The following SIMC1 variants were observed in gnomAD, a reference collection of about 807,000 sequenced individuals.
The protein encoded by SIMC1 is SUMO-interacting motif-containing protein 1.
In SIMC1, 55 loss-of-function variants were observed where a neutral mutation model predicts 82.3. The ratio of observed to expected loss-of-function variants is 0.67; its 90% CI spans 0.54 to 0.84. The LOEUF (loss-of-function observed/expected upper bound fraction) is 0.84. SIMC1 is among the 40% of genes least tolerant of loss of function. SIMC1 has a pLI of 0.00. For missense variants in SIMC1, 915 were observed against 1,107.2 expected (o/e 0.83, Z 2.46); for synonymous variants, 353 against 426.3 (o/e 0.83, Z 2.12).
At chr5:176,326,811 C>T (rs1303176192) in intron 7 of SIMC1, among the ~76,000 whole-genome samples, 1 of 152,124 alleles carries the variant, frequency 6.6e-6, no homozygotes, top group African/African-American at 2.4e-5. Flanking sequence ...GTGATCTGCC[C>T]ACCGCAGTCT....
chr5:176,249,525 C>G (rs1166162039), intron 1 of SIMC1, among the ~76,000 whole-genome samples: 1 of 151,694 alleles, frequency 6.6e-6, no homozygotes, highest in African/African-American at 2.4e-5. Context: ...AGTGGTCTAT[C>G]TATGTTGTTA....
At chr5:176,308,813 C>A in intron 4 of SIMC1, 1 of 1,240,670 alleles carries the variant, frequency 8.1e-7, no homozygotes, top group Non-Finnish European at 1.2e-6. Context: ...ATTGGAGGAT[C>A]CACAGCCTTA....
At chr5:176,341,850 G>A (rs1766165004) in intron 9 of SIMC1, among the ~76,000 whole-genome samples, 1 of 152,094 alleles carries the variant, frequency 6.6e-6, no homozygotes, top group African/African-American at 2.4e-5. Flanking sequence ...CTTGAGCCAG[G>A]CATTATGGCT....
At chr5:176,270,574 G>A (rs2560183) in intron 1 of SIMC1, 5 of 152,178 alleles carry the variant, frequency 3.3e-5, no homozygotes, top group Non-Finnish European at 5.9e-5. Flanking sequence ...GCACTGAAGA[G>A]GTTAGGAAAG....
chr5:176,289,951 C>T lies in SIMC1; in HGVS notation c.427C>T (p.Pro143Ser), dbSNP rs1763467354. The T allele has an allele frequency of 6.2e-7, 1 of 1,613,780 alleles. No homozygotes were observed. Among genetic ancestry groups the T allele is most frequent in the Non-Finnish European group, 8.5e-7 (1 of 1,179,842 alleles). ...DLVEENTFVG[P>S]PPATSISGGS... ...AGTGGAAGAAAACACCTTTGTAGGT[C>T]CCCCACCCGCTACATCCATCAGTGG... Residue 143 changes from proline (P) to serine (S), a missense_variant, in exon 2 of 10, where the codon CCC becomes TCC. Around this residue, in one of 2 missense-constraint regions of SIMC1, gnomAD observed 902 missense variants for 1,040.3 expected, o/e 0.87. Transcript: ENST00000429602.
At chr5:176,259,421 G>A (rs1177648959) in intron 1 of SIMC1, among the ~76,000 whole-genome samples, 2 of 151,566 alleles carry the variant, frequency 1.3e-5, no homozygotes, top group African/African-American at 4.9e-5. Flanking sequence ...CTGCACTCCA[G>A]CCTGGGTGAC....
At position 176,295,052 on chromosome 5, in the gene SIMC1, C is replaced by G. The variant is rs568561545; in HGVS notation, c.1454C>G (p.Pro485Arg). ...CAGAACAAGGGTCAAAAATTAGAAC[C>G]CATCCCTCATCGAAGACTAAGAATG... ...TRENKGQKLE[P>R]IPHRRLRMVT... The change falls in exon 3 of 10, where the codon CCC becomes CGC. Residue 485 changes from proline (P) to arginine (R), a missense_variant. Pro to Arg is a moderately radical substitution (Grantham distance 103). Around this residue, in one of 2 missense-constraint regions of SIMC1, gnomAD observed 902 missense variants for 1,040.3 expected, o/e 0.87. Transcript: ENST00000429602. 10 of 1,613,104 alleles carry G rather than the reference C, an allele frequency of 6.2e-6. No individual in the cohort carries two copies. In the Admixed American group the frequency reaches 8.3e-5, roughly 13 times the overall value.
At chr5:176,265,402 G>A (rs952224663) in intron 1 of SIMC1, among the ~76,000 whole-genome samples, 3 of 152,220 alleles carry the variant, frequency 2.0e-5, no homozygotes, top group African/African-American at 4.8e-5. Flanking sequence ...AGAGTGGCAG[G>A]CAGCATATCC....
At chr5:176,280,898 A>C (rs1394476045) in intron 1 of SIMC1, among the ~76,000 whole-genome samples, 1 of 152,068 alleles carries the variant, frequency 6.6e-6, no homozygotes, top group East Asian at 1.9e-4. Flanking sequence ...TGAATCTGAC[A>C]ATTATGTGTC....
intron 7 of SIMC1, among the ~76,000 whole-genome samples, chr5:176,329,148 A>C (rs902308717): frequency 6.6e-6 from 1 of 152,138 alleles, no homozygotes; most frequent in Non-Finnish European, 1.5e-5. Flanking sequence ...ACCTGTGTAG[A>C]TTTTTATGAC....
Position 176,322,401 on chromosome 5 carries a change from A to C in SIMC1, c.2018A>C (p.Asn673Thr), listed in dbSNP as rs770644911. 77 of 1,609,566 alleles carry C rather than the reference A, an allele frequency of 4.8e-5. No homozygotes were observed. Among genetic ancestry groups the C allele is most frequent in the Non-Finnish European group, 6.1e-5 (72 of 1,178,148 alleles). ...ASSSHPSSQP[N>T]LTKNTNQLIV... The stretch of plus-strand genomic sequence containing the variant: ...AGTAGCCACCCTTCTTCCCAGCCCA[A>C]CCTGACAAAGAACACCAATCAGCTG... The change falls in exon 6 of 10, where the codon AAC becomes ACC. Residue 673 changes from asparagine (N) to threonine (T), a missense_variant. Physicochemically the swap from Asn to Thr is moderately conservative, Grantham distance 65. Around this residue, in one of 2 missense-constraint regions of SIMC1, gnomAD observed 902 missense variants for 1,040.3 expected, o/e 0.87. Transcript: ENST00000429602.
chr5:176,310,575 A>G (rs1002126805), intron 4 of SIMC1, among the ~76,000 whole-genome samples: 1 of 152,262 alleles, frequency 6.6e-6, no homozygotes, highest in Non-Finnish European at 1.5e-5. Context: ...GATTGCATTT[A>G]TATAACATTC....
chr5:176,341,931 A>C (rs1328502936), intron 9 of SIMC1, among the ~76,000 whole-genome samples: 7 of 152,188 alleles, frequency 4.6e-5, no homozygotes, highest in Non-Finnish European at 8.8e-5. Flanking sequence ...TCTTATCCCT[A>C]CCGAAGCATA....
At chr5:176,263,187 A>T (rs1302063568) in intron 1 of SIMC1, among the ~76,000 whole-genome samples, 1 of 152,244 alleles carries the variant, frequency 6.6e-6, no homozygotes, top group Non-Finnish European at 1.5e-5. Context: ...GGAAAACTCA[A>T]TGTCATCAAG....
chr5:176,257,896 T>C lies in SIMC1; in HGVS notation c.129+19259T>C, dbSNP rs568380546. Among the ~76,000 whole-genome samples, 3 of 152,294 alleles carry C rather than the reference T, an allele frequency of 2.0e-5. No homozygotes were observed. In the South Asian group the frequency reaches 6.2e-4, roughly 32 times the overall value. On this transcript the variant is annotated intron_variant, in intron 1 of 9. Coordinates refer to ENST00000429602, the MANE Select transcript of SIMC1 (RefSeq NM_001308195.2). The stretch of plus-strand genomic sequence containing the variant: ...CCTCTACCCGCTAGATGCCTGCCAG[T>C]AGTAACCCCTCAACTTGTGACAATA...
At chr5:176,265,729 A>G (rs1762182753) in intron 1 of SIMC1, among the ~76,000 whole-genome samples, 1 of 152,236 alleles carries the variant, frequency 6.6e-6, no homozygotes, top group Admixed American at 6.5e-5. Context: ...TATCTGTGAA[A>G]GTTTAATTGG....
At chr5:176,289,571 C>T (rs1456185580) in intron 1 of SIMC1, 83 bp from the exon 2 acceptor site, 7 of 1,086,582 alleles carry the variant, frequency 6.4e-6, no homozygotes, top group Middle Eastern at 2.1e-4. Flanking sequence ...TAATGCTTAT[C>T]CTTAAAAGCT....
At chr5:176,256,920 T>A (rs1262749386) in intron 1 of SIMC1, among the ~76,000 whole-genome samples, 1 of 152,142 alleles carries the variant, frequency 6.6e-6, no homozygotes, top group African/African-American at 2.4e-5. Flanking sequence ...TTTTTTAAAT[T>A]AATTTATTTA....
At chr5:176,302,187 T>A (rs1764069487) in intron 4 of SIMC1, among the ~76,000 whole-genome samples, 1 of 152,190 alleles carries the variant, frequency 6.6e-6, no homozygotes, top group Non-Finnish European at 1.5e-5. Flanking sequence ...GTTGGTTGAA[T>A]CCATGGATGC....
Sources: gnomAD v4.1 joint callset for allele counts (sites outside exome capture counted in the v4.1 genomes callset) on GRCh38, gnomAD v4.1.1 for gene constraint, gnomAD v4.1.1 regional missense constraint, MANE v1.5 for transcripts, NCBI Gene and HGNC (gene_info 2026-07-23, HGNC 2026-07-21) for gene names.